The following USP34 variants were observed in gnomAD, a reference collection of about 807,000 sequenced individuals.
USP34 encodes the protein ubiquitin specific peptidase 34.
USP34 carries 70 observed loss-of-function variants against 460.3 expected under a neutral mutation model. The observed-to-expected ratio is 0.15, with a 90% confidence interval of 0.13 to 0.19. USP34 has a LOEUF of 0.19. Ranked by LOEUF, USP34 falls within the 10% of genes least tolerant of loss-of-function variation. The pLI is 1.00. For synonymous variants in USP34, 1,647 were observed against 1,405.3 expected (o/e 1.17, Z -3.85); for missense variants, 3,985 against 4,236.2 (o/e 0.94, Z 1.65).
chr2:61,345,595 C>T (rs922526088), intron 15 of USP34, among the ~76,000 whole-genome samples: 2 of 152,142 alleles, frequency 1.3e-5, no homozygotes, highest in African/African-American at 4.8e-5. Context: ...TTAGTTAGCC[C>T]AGGAAATCCT....
intron 25 of USP34, among the ~76,000 whole-genome samples, chr2:61,314,292 C>A (rs1690679325): frequency 6.6e-6 from 1 of 151,964 alleles, no homozygotes; most frequent in African/African-American, 2.4e-5. Context: ...TAATCAAAGT[C>A]AATACTTTAT....
intron 2 of USP34, among the ~76,000 whole-genome samples, chr2:61,412,189 C>CAAAAAAAAAAAAA (rs10581550): frequency 1.1e-5 from 1 of 92,152 alleles, no homozygotes; most frequent in Non-Finnish European, 2.2e-5. Flanking sequence ...AACTCCATCT[C>CAAAAAAAAAAAAA]AAAAAAAAAA....
chr2:61,362,741 A>G (rs773744805), intron 10 of USP34, among the ~76,000 whole-genome samples: 4 of 152,232 alleles, frequency 2.6e-5, no homozygotes, highest in Non-Finnish European at 5.9e-5. Flanking sequence ...AGTTAACAAT[A>G]CTGTATTACA....
intron 2 of USP34, among the ~76,000 whole-genome samples, chr2:61,416,457 G>A (rs1340496687): frequency 6.6e-6 from 1 of 152,144 alleles, no homozygotes; most frequent in Non-Finnish European, 1.5e-5. Flanking sequence ...AAGTTAAAAA[G>A]TTGATAGGTA....
chr2:61,258,219 T>A (rs1053964858), intron 44 of USP34, among the ~76,000 whole-genome samples: 1 of 152,156 alleles, frequency 6.6e-6, no homozygotes. Flanking sequence ...CCAGGCATGG[T>A]GGTACAAGCC....
chr2:61,326,909 G>C (rs961782417), intron 20 of USP34, among the ~76,000 whole-genome samples: 1 of 150,638 alleles, frequency 6.6e-6, no homozygotes, highest in East Asian at 2.0e-4. Flanking sequence ...TCAGCCTCCC[G>C]AGGAGCTGGG....
At chr2:61,390,926 C>T (rs933077719) in intron 5 of USP34, among the ~76,000 whole-genome samples, 1 of 151,804 alleles carries the variant, frequency 6.6e-6, no homozygotes, top group Non-Finnish European at 1.5e-5. Flanking sequence ...GAAACCCCAT[C>T]TCTACTAAAA....
chr2:61,315,349 A>G (rs1690710786), intron 23 of USP34, among the ~76,000 whole-genome samples: 1 of 151,966 alleles, frequency 6.6e-6, no homozygotes, highest in Non-Finnish European at 1.5e-5. Context: ...AATTAACAAC[A>G]TATGCTAACT....
intron 1 of USP34, among the ~76,000 whole-genome samples, chr2:61,452,516 G>A (rs1695314279): frequency 6.6e-6 from 1 of 151,558 alleles, no homozygotes; most frequent in African/African-American, 2.4e-5. Flanking sequence ...GTAGAGACAG[G>A]GTTTCACCAT....
intron 62 of USP34, among the ~76,000 whole-genome samples, chr2:61,226,235 CAA>C (rs1243859898): frequency 6.6e-6 from 1 of 152,146 alleles, no homozygotes; most frequent in Non-Finnish European, 1.5e-5. Flanking sequence ...GAAACTGAAA[CAA>C]AAAGGCAAAT....
intron 3 of USP34, among the ~76,000 whole-genome samples, chr2:61,396,642 C>T (rs548701570): frequency 1.3e-4 from 20 of 152,204 alleles, no homozygotes; most frequent in Non-Finnish European, 5.9e-5. Context: ...GCGCCCACCA[C>T]CATGCCCGGC....
rs574660502 is a variant in USP34 at position 61,419,679 on chromosome 2, T to C, written c.131+1067A>G. On this transcript the variant is annotated intron_variant, in intron 2 of 79. Coordinates refer to ENST00000398571, the MANE Select transcript of USP34 (RefSeq NM_014709.4). ...AAATCAGAAGTGTAGATTTTTTTCC[T>C]AGTATAACATGTTGCCACCTAGCTG... Among the ~76,000 whole-genome samples the C allele has an allele frequency of 2.9e-4, 44 of 152,248 alleles. 1 individual carries two copies. In the East Asian group the frequency reaches 8.3e-3, roughly 29 times the overall value.
chr2:61,224,558 T>C (rs1468191909), intron 62 of USP34, among the ~76,000 whole-genome samples: 1 of 152,232 alleles, frequency 6.6e-6, no homozygotes, highest in Non-Finnish European at 1.5e-5. Context: ...ATTAATTAGC[T>C]TGAATACATA....
At chr2:61,361,044 C>A (rs940339564) in intron 10 of USP34, among the ~76,000 whole-genome samples, 2 of 152,172 alleles carry the variant, frequency 1.3e-5, no homozygotes, top group African/African-American at 2.4e-5. Context: ...TAGCAAAAAA[C>A]AATCTTGAGT....
At chr2:61,215,036 A>AG (rs576337814) in intron 67 of USP34, among the ~76,000 whole-genome samples, 8 of 152,236 alleles carry the variant, frequency 5.3e-5, no homozygotes, top group Non-Finnish European at 1.0e-4. Context: ...CAGCATTTGC[A>AG]GTCAGAAGAC....
intron 1 of USP34, among the ~76,000 whole-genome samples, chr2:61,449,026 T>A (rs1365732953): frequency 3.9e-5 from 6 of 152,020 alleles, no homozygotes; most frequent in Non-Finnish European, 7.4e-5. Flanking sequence ...TGGTGGCGCA[T>A]GCCTGTAATC....
rs1053366677 is a variant in USP34 at position 61,471,047 on chromosome 2, C to CCGCCGA, written c.-361_-356dup. ...CTTCACCGACCAGACGCCGCGGCCA[C>CCGCCGA]CGCCGACGCCGCCGCCATTTTAACA... On this transcript the variant is annotated 5_prime_UTR_variant, in exon 1 of 80. Coordinates refer to ENST00000398571, the MANE Select transcript of USP34 (RefSeq NM_014709.4). The CCGCCGA allele has an allele frequency of 2.0e-5, 5 of 245,452 alleles. No homozygotes were observed. The highest frequency in any genetic ancestry group is 5.7e-5 in the Admixed American group (1 of 17,668). The allele number at this position is 245,452 out of a possible 1,614,324, so 15.2% of individuals were successfully genotyped here. A position where few individuals can be genotyped will look rare whatever the true frequency, so the allele number is the denominator to read the frequency against.
intron 3 of USP34, among the ~76,000 whole-genome samples, chr2:61,405,337 G>A (rs1388227428): frequency 6.7e-6 from 1 of 148,744 alleles, no homozygotes; most frequent in Admixed American, 6.7e-5. Flanking sequence ...TTTTTTTCTT[G>A]ATAAAAGCAA....
intron 10 of USP34, among the ~76,000 whole-genome samples, chr2:61,361,378 A>T (rs1327421352): frequency 2.0e-5 from 3 of 152,202 alleles, no homozygotes; most frequent in Admixed American, 1.3e-4. Flanking sequence ...GCTGTGACTG[A>T]ACCACTGCAC....
Sources: gnomAD v4.1 joint callset for allele counts (sites outside exome capture counted in the v4.1 genomes callset) on GRCh38, gnomAD v4.1.1 for gene constraint, MANE v1.5 for transcripts, NCBI Gene and HGNC (gene_info 2026-07-23, HGNC 2026-07-21) for gene names.